NDUFAF6: variants seen among roughly 807,000 people sequenced by gnomAD.
NDUFAF6 encodes NADH:ubiquinone oxidoreductase complex assembly factor 6, also known as NADH dehydrogenase (ubiquinone) complex I, assembly factor 6.
NDUFAF6 carries 45 observed loss-of-function variants against 40.8 expected under a neutral mutation model. That is an observed-to-expected ratio of 1.10 (90% confidence interval 0.87 to 1.42). The LOEUF is 1.42. Among genes scored for constraint, NDUFAF6 ranks in the 40% most tolerant of loss-of-function variants. NDUFAF6 has a pLI of 0.00. For synonymous variants in NDUFAF6, 185 were observed against 155.9 expected, an observed-to-expected ratio of 1.19 and a Z score of -1.39; for missense variants, 435 against 418.5, an observed-to-expected ratio of 1.04 and a Z score of -0.34.
chr8:95,019,458 T>C (rs1827601798), intron 2 of NDUFAF6, among the ~76,000 whole-genome samples: 1 of 152,264 alleles, frequency 6.6e-6, no homozygotes, highest in South Asian at 2.1e-4. Context: ...GGGGTCATCA[T>C]CAATCTTCCT....
intron 1 of NDUFAF6, among the ~76,000 whole-genome samples, chr8:94,910,229 T>C (rs1358943181): frequency 6.6e-6 from 1 of 152,182 alleles, no homozygotes; most frequent in Non-Finnish European, 1.5e-5. Flanking sequence ...CTTGGCTCAG[T>C]GCAACCTCTG....
At position 94,979,026 on chromosome 8, in the gene NDUFAF6, A is replaced by G. The variant is rs146677727; in HGVS notation, c.-198-1833A>G. 1.5e-3 allele frequency among the ~76,000 whole-genome samples: 222 copies of G among 152,280 alleles called. 1 individual carries two copies. Among genetic ancestry groups the G allele is most frequent in the African/African-American group, 5.1e-3 (214 of 41,554 alleles). On this transcript the variant is annotated intron_variant, in intron 1 of 9. Transcript: ENST00000396111. The stretch of plus-strand genomic sequence containing the variant: ...TTTGGGGTAGAATAAGCCCTGAGAC[A>G]TTTTGTGTCAGAAGGGTTGAGTGTA...
chr8:94,915,348 A>T (rs1819060444), intron 1 of NDUFAF6, among the ~76,000 whole-genome samples: 1 of 152,078 alleles, frequency 6.6e-6, no homozygotes, highest in Non-Finnish European at 1.5e-5. Flanking sequence ...GCATTAATTT[A>T]CTTAGAATGA....
chr8:95,097,313 G>T (rs1809498115), upstream of NDUFAF6, among the ~76,000 whole-genome samples: 1 of 152,186 alleles, frequency 6.6e-6, no homozygotes, highest in Non-Finnish European at 1.5e-5. Flanking sequence ...TGTAGCAAAA[G>T]TACACCCCTT....
downstream of NDUFAF6, among the ~76,000 whole-genome samples, chr8:95,081,114 G>A (rs988204475): frequency 1.4e-4 from 20 of 141,624 alleles, no homozygotes; most frequent in Non-Finnish European, 2.4e-4. Context: ...CGCCCTTTGG[G>A]AGTTTACATG....
In NDUFAF6 at chr8:94,901,180, T is replaced by G. The variant is rs147863941; in HGVS notation, c.-936+5253T>G. 1.9e-3 allele frequency among the ~76,000 whole-genome samples: 292 copies of G among 152,206 alleles called. 3 individuals are homozygous for G. The highest frequency in any genetic ancestry group is 0.017 in the East Asian group (88 of 5,186). On this transcript the variant is annotated intron_variant, in intron 1 of 14. Coordinates refer to the NDUFAF6 transcript ENST00000396113. ...AAAGCCCAGAGGACCTTGGCATATTTAGTGCACAACGAGGTTTGTATGGCT... is the reference window on the plus strand; with the variant it reads ...AAAGCCCAGAGGACCTTGGCATATTGAGTGCACAACGAGGTTTGTATGGCT...
chr8:95,029,938 A>G (rs987896826), intron 1 of NDUFAF6, among the ~76,000 whole-genome samples: 2 of 152,178 alleles, frequency 1.3e-5, no homozygotes, highest in Non-Finnish European at 2.9e-5. Flanking sequence ...ATAAGCAAGA[A>G]GTGCATACTT....
chr8:95,037,214 AG>A (rs1403106337), intron 3 of NDUFAF6, among the ~76,000 whole-genome samples: 6 of 152,202 alleles, frequency 3.9e-5, no homozygotes, highest in African/African-American at 1.4e-4. Context: ...ATTTGGCTTC[AG>A]TTTCCAGAGT....
At chr8:95,033,911 T>C (rs1325732374) in intron 2 of NDUFAF6, 1 of 442,900 alleles carries the variant, frequency 2.3e-6, no homozygotes, top group African/African-American at 2.0e-5. Flanking sequence ...AGGTAAGGTC[T>C]TGGAGACACC....
At chr8:94,920,322 A>G (rs1327457512) in intron 1 of NDUFAF6, among the ~76,000 whole-genome samples, 3 of 152,212 alleles carry the variant, frequency 2.0e-5, no homozygotes, top group African/African-American at 4.8e-5. Flanking sequence ...ACAGTTCTGG[A>G]TGCTGTGAAG....
intron 3 of NDUFAF6, among the ~76,000 whole-genome samples, chr8:95,038,628 G>T (rs565508288): frequency 2.6e-5 from 4 of 152,100 alleles, no homozygotes; most frequent in Non-Finnish European, 4.4e-5. Context: ...GATTACAGGC[G>T]TGAGCGAATT....
chr8:94,920,260 C>T (rs1819411591), intron 1 of NDUFAF6, among the ~76,000 whole-genome samples: 1 of 152,148 alleles, frequency 6.6e-6, no homozygotes, highest in Non-Finnish European at 1.5e-5. Context: ...TTAGTTCATT[C>T]CTGCCCTATA....
chr8:95,083,184 A>G (rs1283190088), intron 2 of NDUFAF6, among the ~76,000 whole-genome samples: 1 of 152,206 alleles, frequency 6.6e-6, no homozygotes, highest in Non-Finnish European at 1.5e-5. Flanking sequence ...AGGTGATGCT[A>G]AAATTTTTTT....
At chr8:94,959,539 G>A (rs72677001) in intron 1 of NDUFAF6, among the ~76,000 whole-genome samples, 1 of 145,178 alleles carries the variant, frequency 6.9e-6, no homozygotes, top group Non-Finnish European at 1.5e-5. Flanking sequence ...TGTTTTTTTT[G>A]TTTTTTTTTT....
rs1554657858 is a variant in NDUFAF6 at position 95,005,554 on chromosome 8, A to ATATATATATATGTATAT, written c.-84+24581_-84+24582insTATATATATATGTATAT. ...ATATATATATATATATATATATATA[A>ATATATATATATGTATAT]AAAATATATTAACATAAATAATATA... On this transcript the variant is annotated intron_variant, in intron 2 of 9. Transcript: ENST00000396111. 5.2e-5 allele frequency among the ~76,000 whole-genome samples: 6 copies of ATATATATATATGTATAT among 115,354 alleles called. 1 individual carries two copies. Among genetic ancestry groups the ATATATATATATGTATAT allele is most frequent in the African/African-American group, 2.2e-4 (6 of 26,742 alleles). The allele number at this position is 115,354 out of a possible 152,430, so 75.7% of individuals were successfully genotyped here. A position where few individuals can be genotyped will look rare whatever the true frequency, so the allele number is the denominator to read the frequency against.
chr8:95,103,053 C>T (rs1809703816), exon 3 of NDUFAF6: 1 of 152,136 alleles, frequency 6.6e-6, no homozygotes, highest in African/African-American at 2.4e-5. Flanking sequence ...ATTTTGGTGA[C>T]CCCGATGCAA....
Position 95,058,446 on chromosome 8 carries a change from A to G in NDUFAF6, c.*509A>G, listed in dbSNP as rs779533054. The G allele has an allele frequency of 1.5e-5, 19 of 1,231,222 alleles. No homozygotes were observed. The highest frequency in any genetic ancestry group is 1.8e-5 in the Non-Finnish European group (18 of 987,840). The allele number at this position is 1,231,222 out of a possible 1,614,324, so 76.3% of individuals were successfully genotyped here. On this transcript the variant is annotated 3_prime_UTR_variant, in exon 9 of 9. Coordinates refer to ENST00000396124, the MANE Select transcript of NDUFAF6 (RefSeq NM_152416.4). ...TCACGTGTTGTGGGCTTTTATCCTT[A>G]ACGTTTAATTTTTACAATCTTGTGT... is the stretch of plus-strand genomic sequence containing the variant.
chr8:95,075,865 G>A (rs2132044076), exon 10 of NDUFAF6: 2 of 422,982 alleles, frequency 4.7e-6, no homozygotes, highest in Non-Finnish European at 4.4e-6. Flanking sequence ...GAGAATCTTT[G>A]ACAAACACAG....
intron 1 of NDUFAF6, among the ~76,000 whole-genome samples, chr8:94,920,125 A>T (rs1439834687): frequency 6.6e-6 from 1 of 152,218 alleles, no homozygotes; most frequent in Non-Finnish European, 1.5e-5. Flanking sequence ...ATAACACTAC[A>T]TGGATAAGAT....
Sources: allele counts gnomAD v4.1 joint callset (sites outside exome capture counted in the v4.1 genomes callset), GRCh38; gene constraint gnomAD v4.1.1; transcripts MANE v1.5; gene names NCBI Gene and HGNC (gene_info 2026-07-23, HGNC 2026-07-21).